The following TOPBP1 variants were observed in gnomAD, a reference collection of about 807,000 sequenced individuals.
TOPBP1 encodes the protein DNA topoisomerase II binding protein 1, also known as DNA topoisomerase 2-binding protein 1.
TOPBP1 carries 28 observed loss-of-function variants against 167.7 expected under a neutral mutation model. The observed-to-expected ratio is 0.17, with a 90% CI of 0.12 to 0.23. The LOEUF (loss-of-function observed/expected upper bound fraction) is 0.23. TOPBP1 is among the 10% of genes least tolerant of loss of function. The pLI, the probability that TOPBP1 is intolerant of heterozygous loss-of-function variation, is 1.00. For synonymous variants in TOPBP1, 598 were observed against 611.4 expected (o/e 0.98, Z 0.32); for missense variants, 1,554 against 1,809.6 (o/e 0.86, Z 2.56).
chr3:133,630,726 TA>T (rs1363816251), intron 14 of TOPBP1, among the ~76,000 whole-genome samples: 4 of 152,206 alleles, frequency 2.6e-5, no homozygotes, highest in Non-Finnish European at 4.4e-5. Flanking sequence ...GCTGGGACTA[TA>T]GGTATGTGCC....
intron 26 of TOPBP1, 86 bp from the exon 27 acceptor site, chr3:133,608,782 C>T: frequency 6.4e-7 from 1 of 1,563,946 alleles, no homozygotes. Flanking sequence ...ATTACCATTT[C>T]AAAAAGTAGA....
chr3:133,622,799 A>G (rs1316943928), intron 19 of TOPBP1, among the ~76,000 whole-genome samples: 1 of 152,218 alleles, frequency 6.6e-6, no homozygotes, highest in African/African-American at 2.4e-5. Flanking sequence ...ACTCCATAAA[A>G]ACCTAGTTTC....
At chr3:133,649,299 A>T in intron 10 of TOPBP1, 84 bp downstream of exon 10, 3 of 1,471,370 alleles carry the variant, frequency 2.0e-6, no homozygotes, top group Non-Finnish European at 2.7e-6. Flanking sequence ...AAAATCTAGA[A>T]AACTTGGCAG....
intron 6 of TOPBP1, 59 bp downstream of exon 6, chr3:133,655,230 AT>A (rs1446993448): frequency 2.7e-6 from 3 of 1,094,808 alleles, no homozygotes. Context: ...ATAAATAAAA[AT>A]AAAATATTAA....
chr3:133,659,759 T>C (rs1042742994), intron 2 of TOPBP1, among the ~76,000 whole-genome samples: 2 of 109,014 alleles, frequency 1.8e-5, no homozygotes, highest in Non-Finnish European at 4.7e-5. Context: ...TAAAAATACG[T>C]ATTTATATAT....
chr3:133,616,150 T>C (rs1007206951), intron 23 of TOPBP1, among the ~76,000 whole-genome samples: 2 of 151,118 alleles, frequency 1.3e-5, no homozygotes, highest in African/African-American at 2.4e-5. Flanking sequence ...GACAGAGTCT[T>C]GCTTTGTCAC....
intron 10 of TOPBP1, 123 bp downstream of exon 10, chr3:133,649,260 T>A (rs1936195262): frequency 7.4e-7 from 1 of 1,342,620 alleles, no homozygotes; most frequent in East Asian, 2.5e-5. Flanking sequence ...GAGGAAAATT[T>A]TAAGGAAAGA....
At chr3:133,608,304 T>C (rs898864592) in intron 27 of TOPBP1, among the ~76,000 whole-genome samples, 7 of 152,220 alleles carry the variant, frequency 4.6e-5, no homozygotes, top group African/African-American at 1.4e-4. Flanking sequence ...TAGAGGTACC[T>C]AGATTTTTAT....
At chr3:133,612,646 T>A in intron 23 of TOPBP1, 94 bp from the exon 24 acceptor site, 1 of 1,246,096 alleles carries the variant, frequency 8.0e-7, no homozygotes, top group Non-Finnish European at 1.1e-6. Flanking sequence ...TATTTATAAA[T>A]AAAATGCCCC....
Position 133,638,024 on chromosome 3 carries a change from A to G in TOPBP1, c.2372T>C (p.Phe791Ser). The change falls in exon 14 of 28, where the codon TTC (phenylalanine) becomes TCC (serine). Residue 791 changes from phenylalanine (F) to serine (S), a missense_variant. Transcript: ENST00000260810. ...GGCATGTTGTGAGACCACAGCACGG[A>G]AAGCTTTACTCTGAAAGCGGTTCAT... Reference protein sequence around the residue: ...LDMNRFQSKAFRAVVSQHARQ... With the variant: ...LDMNRFQSKASRAVVSQHARQ... 6.2e-7 allele frequency: 1 copy of G among 1,614,026 alleles called. No homozygotes were observed. Among genetic ancestry groups the G allele is most frequent in the African/African-American group, 1.3e-5 (1 of 75,060 alleles).
rs79417893 is a variant in TOPBP1 at position 133,640,270 on chromosome 3, A to C, written c.2022-100T>G. On this transcript the variant is annotated intron_variant, in intron 12 of 27. Transcript: ENST00000260810. ...CAACAGTGTGGTTAGAGATCATGTA[A>C]GTATAAAAAAAAATACTGATTAAAA... 4.9e-3 allele frequency: 4,895 copies of C among 999,442 alleles called. 178 individuals are homozygous for C. The African/African-American group carries it at 0.072, about 15-fold the overall frequency. The allele number at this position is 999,442 out of a possible 1,614,324, so 61.9% of individuals were successfully genotyped here. A position where few individuals can be genotyped will look rare whatever the true frequency, so the allele number is the denominator to read the frequency against.
intron 14 of TOPBP1, among the ~76,000 whole-genome samples, chr3:133,636,578 G>C (rs1014537437): frequency 5.3e-5 from 8 of 152,078 alleles, no homozygotes; most frequent in African/African-American, 1.9e-4. Context: ...AGGCTATTCA[G>C]AACTATCAGC....
Position 133,652,642 on chromosome 3 carries a change from A to G in TOPBP1, c.923-13T>C, listed in dbSNP as rs1237447076. The G allele has an allele frequency of 2.5e-6, 4 of 1,580,964 alleles. No homozygotes were observed. The African/African-American group carries it at 5.5e-5, about 22-fold the overall frequency. On this transcript the variant is annotated splice_polypyrimidine_tract_variant and intron_variant, in intron 7 of 27. Coordinates refer to ENST00000260810, the MANE Select transcript of TOPBP1 (RefSeq NM_007027.4). ...GAAAGAGTACGACCTACATATTTTG[A>G]AAACGTATAAATTTATGGGAGATAA...
chr3:133,657,802 T>C lies in TOPBP1; in HGVS notation c.359A>G (p.Lys120Arg). ...TISCTSLEKE[K>R]REEVHKYVQM... ...CATCATGAGATCAATATCTACCCTT[T>C]TTTCTTTTTCCAGACTTGTACAAGA... Residue 120 changes from lysine to arginine, a missense_variant, in exon 4 of 28, where the codon AAA becomes AGA. By Grantham distance (26) the Lys-to-Arg change is conservative. Around this residue, in one of 3 missense-constraint regions of TOPBP1, gnomAD observed 1,197 missense variants for 1,351.5 expected, o/e 0.89. Transcript: ENST00000260810. 6.5e-7 allele frequency: 1 copy of C among 1,536,928 alleles called. No individual in the cohort carries two copies. Among genetic ancestry groups the C allele is most frequent in the Non-Finnish European group, 8.7e-7 (1 of 1,149,438 alleles).
chr3:133,660,927 A>ATAT, intron 2 of TOPBP1, 117 bp downstream of exon 2: 1 of 704,830 alleles, frequency 1.4e-6, no homozygotes, highest in Non-Finnish European at 2.3e-6. Context: ...ATTAATGTAG[A>ATAT]CTATAAAATT....
chr3:133,630,143 T>C (rs1460770515), intron 14 of TOPBP1, among the ~76,000 whole-genome samples: 1 of 152,112 alleles, frequency 6.6e-6, no homozygotes, highest in African/African-American at 2.4e-5. Flanking sequence ...CCTTTGCCCA[T>C]TTTTCTACTG....
intron 14 of TOPBP1, among the ~76,000 whole-genome samples, chr3:133,629,547 T>A (rs952127449): frequency 6.6e-6 from 1 of 152,112 alleles, no homozygotes; most frequent in Non-Finnish European, 1.5e-5. Context: ...GGAAACACAG[T>A]TAGACCCAAT....
intron 27 of TOPBP1, among the ~76,000 whole-genome samples, chr3:133,605,997 C>T (rs1300194998): frequency 6.6e-6 from 1 of 151,974 alleles, no homozygotes; most frequent in Non-Finnish European, 1.5e-5. Flanking sequence ...GCCTGGGCAA[C>T]CTGGTGAAAC....
Position 133,643,244 on chromosome 3 carries a change from T to G in TOPBP1, c.1977A>C (p.Ala659=), listed in dbSNP as rs748992412. ...CVISFSQCAG[A]EKESLTFLAN... ...CTAGGAATGTTAAAGACTCTTTTTC[T>G]GCTCCAGCACACTGGCTAAATGAAA... is the stretch of plus-strand genomic sequence containing the variant. Residue 659 remains alanine, a synonymous_variant, in exon 12 of 28, where the codon GCA becomes GCC. Coordinates refer to ENST00000260810, the MANE Select transcript of TOPBP1 (RefSeq NM_007027.4). The G allele has an allele frequency of 1.2e-6, 2 of 1,606,752 alleles. No homozygotes were observed. Among genetic ancestry groups the G allele is most frequent in the Non-Finnish European group, 1.7e-6 (2 of 1,177,652 alleles).
Sources: gnomAD v4.1 joint callset for allele counts (sites outside exome capture counted in the v4.1 genomes callset) on GRCh38, gnomAD v4.1.1 for gene constraint, gnomAD v4.1.1 regional missense constraint, MANE v1.5 for transcripts, NCBI Gene and HGNC (gene_info 2026-07-23, HGNC 2026-07-21) for gene names.